The following ZBTB38 variants were observed in gnomAD, a reference collection of about 807,000 sequenced individuals.
The protein encoded by ZBTB38 is zinc finger and BTB domain-containing protein 38.
In ZBTB38, 20 loss-of-function variants were observed where a neutral mutation model predicts 76.8. The ratio of observed to expected loss-of-function variants is 0.26; its 90% CI spans 0.18 to 0.38. ZBTB38 has a LOEUF of 0.38. Among genes scored for constraint, ZBTB38 ranks in the 10% least tolerant of loss-of-function variants. ZBTB38 has a pLI of 1.00. For synonymous variants in ZBTB38, 504 were observed against 544.2 expected (o/e 0.93, Z 1.03); for missense variants, 1,082 against 1,482.3 (o/e 0.73, Z 4.43).
At chr3:141,324,245 C>T (rs1017057610) in exon 1 of ZBTB38, 3 of 152,178 alleles carry the variant, frequency 2.0e-5, no homozygotes, top group Admixed American at 6.5e-5. Flanking sequence ...CCTCGGGCAG[C>T]CCTACCAAAT....
chr3:141,354,784 A>G (rs1342252882), intron 1 of ZBTB38, among the ~76,000 whole-genome samples: 1 of 152,110 alleles, frequency 6.6e-6, no homozygotes, highest in Non-Finnish European at 1.5e-5. Flanking sequence ...AGTCAGAGGA[A>G]CTAAATCCAT....
chr3:141,431,339 A>ATATATATATATATATATATATATGT (rs35348152), intron 5 of ZBTB38, among the ~76,000 whole-genome samples: 2 of 102,432 alleles, frequency 2.0e-5, no homozygotes, highest in African/African-American at 1.3e-4. Flanking sequence ...AAAAAAAAAA[A>ATATATATATATATATATATATATGT]AAATATATAT....
At chr3:141,338,293 C>CA (rs759922814) in intron 1 of ZBTB38, among the ~76,000 whole-genome samples, 5 of 151,738 alleles carry the variant, frequency 3.3e-5, no homozygotes, top group African/African-American at 9.7e-5. Flanking sequence ...TTACTATACT[C>CA]AAAAAAAATA....
At chr3:141,343,969 G>A (rs1384004877) in intron 1 of ZBTB38, among the ~76,000 whole-genome samples, 1 of 152,120 alleles carries the variant, frequency 6.6e-6, no homozygotes, top group African/African-American at 2.4e-5. Context: ...ATTGATGCTG[G>A]GAATTTTGAG....
chr3:141,396,193 C>G (rs1221121279), intron 4 of ZBTB38: 1 of 152,226 alleles, frequency 6.6e-6, no homozygotes, highest in African/African-American at 2.4e-5. Context: ...TCTTCTGAAA[C>G]TTTGTCCTTG....
chr3:141,445,082 G>A lies in ZBTB38; in HGVS notation c.2694G>A (p.Glu898=), dbSNP rs185560584. Residue 898 remains glutamate, a synonymous_variant, in exon 6 of 6, where the codon GAG becomes GAA. Coordinates refer to ENST00000321464, the MANE Select transcript of ZBTB38 (RefSeq NM_001376113.1). This position sits in a 1 kb window ranked among gnomAD's most constrained non-coding sequence, Gnocchi z 6.5. Reference sequence around the variant, plus strand: ...GGCTTTGCCAATCCGAGTGCATGGAGATGAGTGAAGTGTTCGATGACGCAA... The same window carrying A: ...GGCTTTGCCAATCCGAGTGCATGGAAATGAGTGAAGTGTTCGATGACGCAA... The part of the protein sequence containing the change: ...PLGLCQSECM[E]MSEVFDDASD... The A allele has an allele frequency of 6.2e-7, 1 of 1,614,194 alleles. No homozygotes were observed. Among genetic ancestry groups the A allele is most frequent in the East Asian group, 2.2e-5 (1 of 44,886 alleles).
At chr3:141,380,197 G>C (rs748368940) in intron 2 of ZBTB38, among the ~76,000 whole-genome samples, 1 of 152,184 alleles carries the variant, frequency 6.6e-6, no homozygotes, top group Admixed American at 6.5e-5. Flanking sequence ...GGTTTAGATG[G>C]CATTTTCTAA....
At chr3:141,339,650 T>C (rs1943112486) in intron 1 of ZBTB38, among the ~76,000 whole-genome samples, 1 of 152,244 alleles carries the variant, frequency 6.6e-6, no homozygotes, top group Non-Finnish European at 1.5e-5. Flanking sequence ...CCAACCTTTT[T>C]ACCTGGGCGT....
chr3:141,346,311 G>A (rs940282086), intron 1 of ZBTB38, among the ~76,000 whole-genome samples: 1 of 152,136 alleles, frequency 6.6e-6, no homozygotes, highest in Non-Finnish European at 1.5e-5. Context: ...CTGTTATTAG[G>A]GGATTTTCTC....
chr3:141,428,665 G>A (rs1390821040), intron 5 of ZBTB38, among the ~76,000 whole-genome samples: 1 of 152,020 alleles, frequency 6.6e-6, no homozygotes, highest in Admixed American at 6.6e-5. Context: ...TAGTAGAGAC[G>A]GGGTTTCACC....
At chr3:141,347,194 T>C (rs890981712) in intron 1 of ZBTB38, among the ~76,000 whole-genome samples, 2 of 152,214 alleles carry the variant, frequency 1.3e-5, no homozygotes, top group African/African-American at 4.8e-5. Flanking sequence ...TTAGACTCTA[T>C]GCTCCTAGTG....
At chr3:141,363,949 C>A (rs1943887797), upstream of ZBTB38, among the ~76,000 whole-genome samples, 1 of 152,094 alleles carries the variant, frequency 6.6e-6, no homozygotes, top group Non-Finnish European at 1.5e-5. Context: ...GCCAAAAGTA[C>A]AAGTGATGAA....
chr3:141,350,840 C>A (rs188496828), intron 1 of ZBTB38, among the ~76,000 whole-genome samples: 1 of 152,254 alleles, frequency 6.6e-6, no homozygotes, highest in Admixed American at 6.5e-5. Context: ...TAAGAACATT[C>A]CTTTCCTCTA....
intron 5 of ZBTB38, among the ~76,000 whole-genome samples, chr3:141,437,462 C>G (rs967648108): frequency 2.6e-5 from 4 of 152,172 alleles, no homozygotes; most frequent in Non-Finnish European, 5.9e-5. Context: ...CCCTGCCACC[C>G]TGCAAACCTT....
At chr3:141,357,515 TTTTG>T (rs1056269449) in intron 1 of ZBTB38, among the ~76,000 whole-genome samples, 3 of 152,276 alleles carry the variant, frequency 2.0e-5, no homozygotes, top group Non-Finnish European at 2.9e-5. Context: ...TTTTGTTTTG[TTTTG>T]TTTGTTTGTT....
At chr3:141,345,760 T>C (rs1352343986) in intron 1 of ZBTB38, among the ~76,000 whole-genome samples, 1 of 151,960 alleles carries the variant, frequency 6.6e-6, no homozygotes, top group Non-Finnish European at 1.5e-5. Context: ...TGGTAGTGCT[T>C]AACCTACGAT....
chr3:141,340,957 A>G (rs919164884), intron 1 of ZBTB38, among the ~76,000 whole-genome samples: 1,590 of 70,506 alleles, frequency 0.023, 12 homozygotes, highest in African/African-American at 0.034. Flanking sequence ...AAGGAAAGAA[A>G]GAAAGAAAGA....
At chr3:141,440,920 G>A (rs2080007948) in intron 5 of ZBTB38, among the ~76,000 whole-genome samples, 1 of 151,620 alleles carries the variant, frequency 6.6e-6, no homozygotes, top group African/African-American at 2.4e-5. Flanking sequence ...TGTAGTCCCA[G>A]CTACTCGGGA....
intron 2 of ZBTB38, among the ~76,000 whole-genome samples, chr3:141,375,678 G>A (rs1014679427): frequency 6.6e-6 from 1 of 152,236 alleles, no homozygotes; most frequent in Non-Finnish European, 1.5e-5. Context: ...GCGGAGCAGG[G>A]TCAGGGCAAG....
Sources: allele counts gnomAD v4.1 joint callset (sites outside exome capture counted in the v4.1 genomes callset), GRCh38; gene constraint gnomAD v4.1.1; non-coding constraint Gnocchi (gnomAD v3.1); transcripts MANE v1.5; gene names NCBI Gene and HGNC (gene_info 2026-07-23, HGNC 2026-07-21).